The following DOCK3 variants were observed in gnomAD, a reference collection of about 807,000 sequenced individuals.
DOCK3 encodes the protein dedicator of cytokinesis 3, also known as dedicator of cytokinesis protein 3.
Under a neutral mutation model 265.6 loss-of-function variants are expected in DOCK3, and 60 were observed. That is an observed-to-expected ratio of 0.23 (90% CI 0.18 to 0.28). The LOEUF (loss-of-function observed/expected upper bound fraction) is 0.28, where lower values mean the gene tolerates loss of function less well. Among genes scored for constraint, DOCK3 ranks in the 10% least tolerant of loss-of-function variants. DOCK3 has a pLI of 1.00. For synonymous variants in DOCK3, 881 were observed against 938.0 expected, an observed-to-expected ratio of 0.94 and a Z score of 1.11; for missense variants, 1,981 against 2,594.3, an observed-to-expected ratio of 0.76 and a Z score of 5.14.
intron 9 of DOCK3, among the ~76,000 whole-genome samples, chr3:51,106,598 G>A (rs2083290480): frequency 1.3e-5 from 2 of 152,196 alleles, no homozygotes; most frequent in Admixed American, 1.3e-4. Flanking sequence ...CCTTGCCCCT[G>A]CACCAGGGGT....
chr3:51,197,716 G>A (rs1342130397), intron 12 of DOCK3, among the ~76,000 whole-genome samples: 1 of 152,160 alleles, frequency 6.6e-6, no homozygotes, highest in East Asian at 1.9e-4. Context: ...GCAGGCCCCA[G>A]GTGGAGTGCT....
At chr3:51,204,270 A>T (rs2089026959) in intron 12 of DOCK3, among the ~76,000 whole-genome samples, 2 of 145,924 alleles carry the variant, frequency 1.4e-5, no homozygotes, top group Admixed American at 7.0e-5. Context: ...TACTCATCTG[A>T]CAAAGGGCTA....
intron 5 of DOCK3, among the ~76,000 whole-genome samples, chr3:50,961,915 T>G (rs753480082): frequency 7.2e-5 from 11 of 152,204 alleles, no homozygotes; most frequent in Non-Finnish European, 1.3e-4. Flanking sequence ...AGCCTTCTTA[T>G]GGGGAAAAAT....
rs777179948 is a variant in DOCK3 at position 51,354,980 on chromosome 3, C to T, written c.4206C>T (p.His1402=). ...TTCCGCAGGCTGTCGCCATGCAGCACCCCAACCATCCTGATGACGCCATCC... is the reference window on the plus strand; with the variant it reads ...TTCCGCAGGCTGTCGCCATGCAGCATCCCAACCATCCTGATGACGCCATCC... ...SEFPQAVAMQ[H]PNHPDDAILQ... is the part of the protein sequence containing the mutation. Residue 1402 remains histidine, a synonymous_variant, in exon 41 of 53, where the codon CAC becomes CAT. Transcript: ENST00000266037. 2 of 1,613,918 alleles carry T rather than the reference C, an allele frequency of 1.2e-6. No homozygotes were observed. The highest frequency in any genetic ancestry group is 1.7e-6 in the Non-Finnish European group (2 of 1,179,862).
At chr3:51,338,773 C>T (rs929446631) in intron 36 of DOCK3, among the ~76,000 whole-genome samples, 162 bp from the exon 37 acceptor site, 6 of 152,204 alleles carry the variant, frequency 3.9e-5, no homozygotes, top group Admixed American at 1.3e-4. Context: ...CCACCCACAG[C>T]AGGTGTTCCT....
At chr3:51,185,715 C>T (rs551570996) in intron 12 of DOCK3, among the ~76,000 whole-genome samples, 63 of 152,218 alleles carry the variant, frequency 4.1e-4, no homozygotes, top group Non-Finnish European at 7.5e-4. Flanking sequence ...GGGGGCGGGT[C>T]TTTCCCATGC....
intron 12 of DOCK3, among the ~76,000 whole-genome samples, chr3:51,176,589 G>T (rs1210140568): frequency 6.6e-6 from 1 of 152,158 alleles, no homozygotes; most frequent in East Asian, 1.9e-4. Flanking sequence ...TCGCTCCACT[G>T]CACTCCAGCC....
chr3:50,858,681 T>C (rs2046746892), intron 3 of DOCK3, among the ~76,000 whole-genome samples: 1 of 152,144 alleles, frequency 6.6e-6, no homozygotes, highest in African/African-American at 2.4e-5. Context: ...ATTTCCTGAA[T>C]TTGACTGTTG....
At chr3:51,348,336 CT>C (rs1398932661) in intron 38 of DOCK3, among the ~76,000 whole-genome samples, 1 of 152,206 alleles carries the variant, frequency 6.6e-6, no homozygotes, top group African/African-American at 2.4e-5. Context: ...TAGGCATTTT[CT>C]TCTTGGTTTC....
chr3:50,861,878 A>G (rs1460637369), intron 3 of DOCK3, among the ~76,000 whole-genome samples: 5 of 149,720 alleles, frequency 3.3e-5, no homozygotes, highest in African/African-American at 1.2e-4. Flanking sequence ...TTTAAATACA[A>G]ATTGCCACTC....
chr3:51,156,429 C>G (rs2085854504), intron 10 of DOCK3, among the ~76,000 whole-genome samples: 1 of 152,196 alleles, frequency 6.6e-6, no homozygotes, highest in African/African-American at 2.4e-5. Context: ...AGATACATCA[C>G]CCTTCTTATC....
intron 21 of DOCK3, among the ~76,000 whole-genome samples, chr3:51,240,008 A>C (rs184701249): frequency 1.1e-3 from 166 of 152,040 alleles, no homozygotes; most frequent in African/African-American, 3.9e-3. Flanking sequence ...GTTTGCTCTT[A>C]GTTCTCTAGT....
chr3:51,356,435 C>G lies in DOCK3; in HGVS notation c.4445C>G (p.Thr1482Ser), dbSNP rs766113375. The G allele has an allele frequency of 2.0e-5, 33 of 1,613,340 alleles. No individual in the cohort carries two copies. In the African/African-American group the frequency reaches 3.7e-4, roughly 18 times the overall value. ...KSLWIERTTL[T>S]LTHSLPGISR... is the part of the protein sequence containing the mutation. ...CTGTGGATTGAACGTACCACACTGACCCTGACCCACAGCTTGCCTGGCATC... is the reference window on the plus strand; with the variant it reads ...CTGTGGATTGAACGTACCACACTGAGCCTGACCCACAGCTTGCCTGGCATC... The change falls in exon 43 of 53, where the codon ACC becomes AGC. Residue 1482 changes from threonine to serine, a missense_variant. Thr to Ser is a moderately conservative substitution (Grantham distance 58). Coordinates refer to ENST00000266037, the MANE Select transcript of DOCK3 (RefSeq NM_004947.5).
intron 1 of DOCK3, among the ~76,000 whole-genome samples, chr3:50,741,838 A>C (rs1296828571): frequency 6.6e-6 from 1 of 152,208 alleles, no homozygotes; most frequent in Admixed American, 6.5e-5. Context: ...TAGATTCCTG[A>C]GGAATCACCA....
chr3:51,374,440 T>C lies in DOCK3; in HGVS notation c.5294-29T>C. ...GACCCTCCATCTGTGGCTTGTCATC[T>C]GTGCTTGATTGTTCTCACTTGGTTA... On this transcript the variant is annotated intron_variant, in intron 49 of 52. Coordinates refer to ENST00000266037, the MANE Select transcript of DOCK3 (RefSeq NM_004947.5). This position sits in a 1 kb window ranked among gnomAD's most constrained non-coding sequence, Gnocchi z 4.8. 6.3e-7 allele frequency: 1 copy of C among 1,595,658 alleles called. No homozygotes were observed. The highest frequency in any genetic ancestry group is 8.5e-7 in the Non-Finnish European group (1 of 1,170,026).
intron 3 of DOCK3, among the ~76,000 whole-genome samples, chr3:50,867,442 G>T (rs2107550600): frequency 6.6e-6 from 1 of 152,120 alleles, no homozygotes; most frequent in Non-Finnish European, 1.5e-5. Flanking sequence ...CTGTACCTAG[G>T]ACTTCCAGTA....
intron 1 of DOCK3, among the ~76,000 whole-genome samples, chr3:50,731,994 T>C (rs894688315): frequency 2.0e-5 from 3 of 152,002 alleles, no homozygotes; most frequent in African/African-American, 7.3e-5. Context: ...TGCCTAATAT[T>C]AGTTACGGAG....
At chr3:51,351,370 C>A (rs2085964203) in intron 40 of DOCK3, among the ~76,000 whole-genome samples, 1 of 152,182 alleles carries the variant, frequency 6.6e-6, no homozygotes, top group Non-Finnish European at 1.5e-5. Flanking sequence ...CAATAACAAG[C>A]TTGTTATCAC....
In DOCK3 at chr3:50,765,924, A is replaced by G. The variant is rs1030392312; in HGVS notation, c.38-12751A>G. Among the ~76,000 whole-genome samples, 7 of 150,814 alleles carry G rather than the reference A, an allele frequency of 4.6e-5. No individual in the cohort carries two copies. The East Asian group carries it at 1.4e-3, about 29-fold the overall frequency. ...TCTAACCATTCCCCATCCCTTAACC[A>G]CCCCCAGCCCCTGCCCCTGTCTCTG... On this transcript the variant is annotated intron_variant, in intron 1 of 52. Transcript: ENST00000266037.
Sources: allele counts gnomAD v4.1 joint callset (sites outside exome capture counted in the v4.1 genomes callset), GRCh38; gene constraint gnomAD v4.1.1; non-coding constraint Gnocchi (gnomAD v3.1); transcripts MANE v1.5; gene names NCBI Gene and HGNC (gene_info 2026-07-23, HGNC 2026-07-21).